The following ZNF626 variants were observed in gnomAD, a reference collection of about 807,000 sequenced individuals.
The protein encoded by ZNF626 is CTC-513N18.7.
A neutral mutation model predicts 11.7 loss-of-function variants in ZNF626; 4 were observed. The ratio of observed to expected loss-of-function variants is 0.34; its 90% CI spans 0.17 to 0.78. ZNF626 has a LOEUF of 0.78. Among genes scored for constraint, ZNF626 ranks in the 30% least tolerant of loss-of-function variants. ZNF626 has a pLI of 0.57. For missense variants in ZNF626, 588 were observed against 587.1 expected (o/e 1.00, Z -0.01); for synonymous variants, 179 against 198.6 (o/e 0.90, Z 0.83).
intron 3 of ZNF626, among the ~76,000 whole-genome samples, chr19:20,637,262 G>T (rs890757135): frequency 6.6e-6 from 1 of 152,070 alleles, no homozygotes; most frequent in African/African-American, 2.4e-5. Flanking sequence ...GCCAAGGGGG[G>T]AATCACAAGG....
intron 1 of ZNF626, among the ~76,000 whole-genome samples, chr19:20,660,509 T>C (rs1411308444): frequency 6.6e-6 from 1 of 152,126 alleles, no homozygotes; most frequent in African/African-American, 2.4e-5. Context: ...TCACTGCAAC[T>C]TCCGCCTCCC....
chr19:20,661,560 G>A lies in ZNF626; in HGVS notation c.-114C>T, dbSNP rs1970269938. On this transcript the variant is annotated 5_prime_UTR_variant, in exon 1 of 4. Transcript: ENST00000601440. ...AAGAACCAGACCTGGAGCTCTGACT[G>A]CAGCGAGAGACAAAGGCCGCACCAA... 13 of 1,248,058 alleles carry A rather than the reference G, an allele frequency of 1.0e-5. No homozygotes were observed. In the Middle Eastern group the frequency reaches 5.8e-4, roughly 56 times the overall value. 77.3% of individuals were successfully genotyped at this position (1,248,058 alleles called of 1,614,324 possible).
In ZNF626 at chr19:20,622,793, A is replaced by T. The variant is rs1334584019; in HGVS notation, c.*1497T>A. On this transcript the variant is annotated 3_prime_UTR_variant, in exon 4 of 4. Coordinates refer to ENST00000601440, the MANE Select transcript of ZNF626 (RefSeq NM_001076675.3). ...AGTGTCAGTGCCTTAGTTATTCTGTAAATTCTGATATTTACATACAATTAA... is the reference window on the plus strand; with the variant it reads ...AGTGTCAGTGCCTTAGTTATTCTGTTAATTCTGATATTTACATACAATTAA... The T allele has an allele frequency of 6.6e-6, 1 of 152,210 alleles. No individual in the cohort carries two copies. The highest frequency in any genetic ancestry group is 1.5e-5 in the Non-Finnish European group (1 of 68,026). The allele number at this position is 152,210 out of a possible 1,614,324, so 9.4% of individuals were successfully genotyped here. A position where few individuals can be genotyped will look rare whatever the true frequency, so the allele number is the denominator to read the frequency against.
At chr19:20,633,228 G>C (rs1334318569) in intron 3 of ZNF626, among the ~76,000 whole-genome samples, 3 of 152,196 alleles carry the variant, frequency 2.0e-5, no homozygotes, top group African/African-American at 7.2e-5. Context: ...GCTACTTGGG[G>C]GTCAGGGACC....
intron 3 of ZNF626, among the ~76,000 whole-genome samples, chr19:20,628,667 A>C (rs1555770057): frequency 6.6e-6 from 1 of 152,134 alleles, no homozygotes; most frequent in African/African-American, 2.4e-5. Context: ...AGTTCATTGT[A>C]GATTCTGGAT....
chr19:20,659,106 G>A (rs537276289), intron 1 of ZNF626, among the ~76,000 whole-genome samples: 1 of 152,080 alleles, frequency 6.6e-6, no homozygotes, highest in South Asian at 2.1e-4. Context: ...AACAGTATAC[G>A]GAAAGAAACG....
chr19:20,645,121 AAAAT>A, intron 3 of ZNF626: 1 of 582,632 alleles, frequency 1.7e-6, no homozygotes, highest in Non-Finnish European at 2.3e-6. Flanking sequence ...ACATGAAACT[AAAAT>A]AAACTTTGAA....
intron 3 of ZNF626, among the ~76,000 whole-genome samples, chr19:20,642,916 C>T (rs1452891332): frequency 2.0e-5 from 3 of 151,174 alleles, no homozygotes; most frequent in Non-Finnish European, 2.9e-5. Flanking sequence ...GAGGATGAGG[C>T]ATGAGAACTG....
intron 3 of ZNF626, among the ~76,000 whole-genome samples, chr19:20,628,664 T>C (rs35699016): frequency 0.14 from 21,898 of 152,210 alleles, 1,714 homozygotes; most frequent in Middle Eastern, 0.19. Context: ...CTGAGTTCAT[T>C]GTAGATTCTG....
chr19:20,647,721 C>T (rs1436463418), intron 1 of ZNF626, among the ~76,000 whole-genome samples: 5 of 151,826 alleles, frequency 3.3e-5, no homozygotes, highest in African/African-American at 7.3e-5. Flanking sequence ...CTCCTGACCT[C>T]GTGATCCACC....
At chr19:20,648,175 C>CAAAAA (rs34417157) in intron 1 of ZNF626, among the ~76,000 whole-genome samples, 28 of 104,116 alleles carry the variant, frequency 2.7e-4, no homozygotes, top group African/African-American at 8.0e-4. Flanking sequence ...GACTCCGTGT[C>CAAAAA]AAAAAAAAAA....
At chr19:20,641,262 C>T (rs906552244) in intron 3 of ZNF626, among the ~76,000 whole-genome samples, 1 of 151,712 alleles carries the variant, frequency 6.6e-6, no homozygotes, top group African/African-American at 2.4e-5. Flanking sequence ...AAAAATACGT[C>T]AAAAAATATA....
intron 3 of ZNF626, 35 bp downstream of exon 3, chr19:20,645,649 T>C: frequency 6.3e-7 from 1 of 1,594,928 alleles, no homozygotes; most frequent in Non-Finnish European, 8.5e-7. Context: ...CCCTTATCTG[T>C]GTCATCTGTT....
At chr19:20,656,096 C>G (rs552983950) in intron 1 of ZNF626, among the ~76,000 whole-genome samples, 2 of 152,080 alleles carry the variant, frequency 1.3e-5, no homozygotes, top group Middle Eastern at 3.4e-3. Context: ...CGTAAGTGCA[C>G]AAGACCAACA....
At position 20,622,856 on chromosome 19, in the gene ZNF626, CAAA is replaced by C. The variant is rs1285040789; in HGVS notation, c.*1431_*1433del. The C allele has an allele frequency of 6.6e-6, 1 of 151,208 alleles. No homozygotes were observed. Among genetic ancestry groups the C allele is most frequent in the African/African-American group, 2.4e-5 (1 of 41,224 alleles). 9.4% of individuals were successfully genotyped at this position (151,208 alleles called of 1,614,324 possible). On this transcript the variant is annotated 3_prime_UTR_variant, in exon 4 of 4. Coordinates refer to ENST00000601440, the MANE Select transcript of ZNF626 (RefSeq NM_001076675.3). The stretch of plus-strand genomic sequence containing the variant: ...TATTTTTTCATGTTTACTGCATCTG[CAAA>C]AATATATTTTAGTATAAACTCTGCT...
chr19:20,646,215 A>C (rs1250724634), intron 2 of ZNF626, 64 bp downstream of exon 2: 2 of 1,470,632 alleles, frequency 1.4e-6, no homozygotes, highest in East Asian at 5.0e-5. Flanking sequence ...TTACTAAAAA[A>C]CATTCTACAA....
chr19:20,631,882 C>T (rs2144770210), intron 3 of ZNF626, among the ~76,000 whole-genome samples: 1 of 151,920 alleles, frequency 6.6e-6, no homozygotes, highest in South Asian at 2.1e-4. Context: ...TCTTCCTAGT[C>T]TCAATGGTCT....
intron 3 of ZNF626, among the ~76,000 whole-genome samples, chr19:20,639,224 T>G (rs1479057208): frequency 6.6e-6 from 1 of 152,074 alleles, no homozygotes; most frequent in East Asian, 1.9e-4. Flanking sequence ...ATGAGAAATT[T>G]GCCCCTGTGA....
In ZNF626 at chr19:20,631,438, A is replaced by C. The variant is rs577302856; in HGVS notation, c.227-5788T>G. ...GGGAGTCTAAGTCTCTTTGTAGGTC[A>C]CTAAGAACTTGCTTTATGAATCTGG... On this transcript the variant is annotated intron_variant, in intron 3 of 3. Coordinates refer to ENST00000601440, the MANE Select transcript of ZNF626 (RefSeq NM_001076675.3). Among the ~76,000 whole-genome samples the C allele has an allele frequency of 4.9e-4, 74 of 151,818 alleles. 1 individual carries two copies. Among genetic ancestry groups the C allele is most frequent in the Middle Eastern group, 6.8e-3 (2 of 294 alleles).
Sources: gnomAD v4.1 joint callset for allele counts (sites outside exome capture counted in the v4.1 genomes callset) on GRCh38, gnomAD v4.1.1 for gene constraint, MANE v1.5 for transcripts, NCBI Gene and HGNC (gene_info 2026-07-23, HGNC 2026-07-21) for gene names.